Variants in MAP4K2 observed in about 807,000 individuals in gnomAD.
MAP4K2 encodes mitogen-activated protein kinase kinase kinase kinase 2.
MAP4K2 carries 85 observed loss-of-function variants against 125.3 expected under a neutral mutation model. The observed-to-expected ratio is 0.68, with a 90% CI of 0.57 to 0.81. MAP4K2 has a LOEUF of 0.81. Ranked by LOEUF, MAP4K2 falls within the 40% of genes least tolerant of loss-of-function variation. The pLI is 0.00. For missense variants in MAP4K2, 923 were observed against 1,056.4 expected (o/e 0.87, Z 1.75); for synonymous variants, 479 against 445.1 (o/e 1.08, Z -0.96).
intron 24 of MAP4K2, among the ~76,000 whole-genome samples, chr11:64,792,993 G>A (rs1475940913): frequency 6.6e-6 from 1 of 152,212 alleles, no homozygotes; most frequent in Admixed American, 6.5e-5. Context: ...GAGGTAGGCA[G>A]ATCACCCGAG....
At chr11:64,792,319 GC>G in intron 25 of MAP4K2, 44 bp from the exon 26 acceptor site, 1 of 1,578,418 alleles carries the variant, frequency 6.3e-7, no homozygotes, top group Admixed American at 1.8e-5. Flanking sequence ...GGCCTGCGCT[GC>G]CCCCCACCAG....
At position 64,791,979 on chromosome 11, in the gene MAP4K2, G is replaced by A. The variant is rs570817578; in HGVS notation, c.2022C>T (p.Pro674=). ...VCVGAEGPEG[P]GCRVLFHVLP... Reference sequence around the variant, plus strand: ...GGACATGGAACAGGACGCGGCAGCCGGGCCCCTCAGGCCCCTCGGCCCCAA... The same window carrying A: ...GGACATGGAACAGGACGCGGCAGCCAGGCCCCTCAGGCCCCTCGGCCCCAA... Residue 674 remains proline (P), a synonymous_variant, in exon 27 of 32, where the codon CCC becomes CCT. Transcript: ENST00000294066. 4.0e-5 allele frequency: 64 copies of A among 1,603,634 alleles called. No homozygotes were observed. Among genetic ancestry groups the A allele is most frequent in the South Asian group, 5.6e-5 (5 of 89,322 alleles).
rs1001719864 is a variant in MAP4K2 at position 64,785,336 on chromosome 11, T to A, written c.*4201A>T. On this transcript the variant is annotated 3_prime_UTR_variant, in exon 32 of 32. Coordinates refer to ENST00000294066, the MANE Select transcript of MAP4K2 (RefSeq NM_004579.5). Reference sequence around the variant, plus strand: ...GGGTGTACACGTATGTCAAAAGTCATCACGTACACATTTTTATATGCAGCT... The same window carrying A: ...GGGTGTACACGTATGTCAAAAGTCAACACGTACACATTTTTATATGCAGCT... The A allele has an allele frequency of 7.9e-5, 12 of 152,190 alleles. No homozygotes were observed. The highest frequency in any genetic ancestry group is 7.9e-4 in the Admixed American group (12 of 15,280). The allele number at this position is 152,190 out of a possible 1,614,324, so 9.4% of individuals were successfully genotyped here. A position where few individuals can be genotyped will look rare whatever the true frequency, so the allele number is the denominator to read the frequency against.
At position 64,799,686 on chromosome 11, in the gene MAP4K2, A is replaced by C; in HGVS notation, c.916-3T>G. 1 of 1,613,376 alleles carries C rather than the reference A, an allele frequency of 6.2e-7. No individual in the cohort carries two copies. The highest frequency in any genetic ancestry group is 8.5e-7 in the Non-Finnish European group (1 of 1,179,766). The stretch of plus-strand genomic sequence containing the variant: ...GTGTCTGGAAACATGTCATAGGTCT[A>C]AGGAAAAACAGAAACAGTGTGGACA... On this transcript the variant is annotated splice_polypyrimidine_tract_variant and splice_region_variant and intron_variant, in intron 12 of 31. Coordinates refer to ENST00000294066, the MANE Select transcript of MAP4K2 (RefSeq NM_004579.5).
chr11:64,791,979 G>GGGCCCCTCA lies in MAP4K2; in HGVS notation c.2013_2021dup (p.Glu672_Pro674dup). 3 of 1,603,634 alleles carry GGGCCCCTCA rather than the reference G, an allele frequency of 1.9e-6. No individual in the cohort carries two copies. Among genetic ancestry groups the GGGCCCCTCA allele is most frequent in the Non-Finnish European group, 2.6e-6 (3 of 1,175,802 alleles). On this transcript the variant is annotated inframe_insertion, in exon 27 of 32. Coordinates refer to ENST00000294066, the MANE Select transcript of MAP4K2 (RefSeq NM_004579.5). Reference sequence around the variant, plus strand: ...GGACATGGAACAGGACGCGGCAGCCGGGCCCCTCAGGCCCCTCGGCCCCAA... The same window carrying GGGCCCCTCA: ...GGACATGGAACAGGACGCGGCAGCCGGGCCCCTCAGGCCCCTCAGGCCCCTCGGCCCCAA...
At chr11:64,796,785 C>T (rs374797154) in intron 21 of MAP4K2, 24 bp downstream of exon 21, 31 of 1,613,524 alleles carry the variant, frequency 1.9e-5, no homozygotes, top group Non-Finnish European at 2.5e-5. Context: ...CTTGGGCTCC[C>T]GCTTCCTCCC....
intron 12 of MAP4K2, 78 bp from the exon 13 acceptor site, chr11:64,799,761 C>T (rs1272146136): frequency 8.3e-7 from 1 of 1,211,624 alleles, no homozygotes; most frequent in Non-Finnish European, 1.2e-6. Flanking sequence ...TTCACACGCA[C>T]CAGTGCGTTT....
In MAP4K2 at chr11:64,800,980, T is replaced by C. The variant is rs1474728422; in HGVS notation, c.582A>G (p.Leu194=). The change falls in exon 9 of 32, where the codon CTA becomes CTG. Residue 194 remains leucine (L), a synonymous_variant. Coordinates refer to ENST00000294066, the MANE Select transcript of MAP4K2 (RefSeq NM_004579.5). The part of the protein sequence containing the change: ...AVERKGGYNE[L]CDVWALGITA... ...TGATGCCCAGGGCCCAGACGTCACA[T>C]AGCTCATTGTAGCCACCTTTGCGCT... The C allele has an allele frequency of 6.2e-6, 10 of 1,613,848 alleles. No homozygotes were observed. Among genetic ancestry groups the C allele is most frequent in the Non-Finnish European group, 8.5e-6 (10 of 1,179,994 alleles).
rs1005145429 is a variant in MAP4K2 at position 64,803,212 on chromosome 11, C to T, written c.-63G>A. ...GAGCTGCGGAGCCGGCGCGGGGCGG[C>T]GCGGGGCGGGGCGGGCGCCCGTGGC... On this transcript the variant is annotated 5_prime_UTR_variant, in exon 1 of 32. Coordinates refer to ENST00000294066, the MANE Select transcript of MAP4K2 (RefSeq NM_004579.5). The T allele has an allele frequency of 1.4e-5, 10 of 717,244 alleles. No homozygotes were observed. Among genetic ancestry groups the T allele is most frequent in the African/African-American group, 1.2e-4 (6 of 51,146 alleles). The allele number at this position is 717,244 out of a possible 1,614,324, so 44.4% of individuals were successfully genotyped here.
In MAP4K2 at chr11:64,802,442, C is replaced by T; in HGVS notation, c.287G>A (p.Gly96Asp). Residue 96 changes from glycine (G) to aspartate (D), a missense_variant, in exon 4 of 32, where the codon GGC becomes GAC. By Grantham distance (94) the Gly-to-Asp change is moderately conservative. Transcript: ENST00000294066. ...LWICMEFCGG[G>D]SLQEIYHATG... ...ACCATGGTAAATCTCCTGCAGGGAG[C>T]CCCCTCCGCAGAACTCCATGCAGAT... 1.3e-6 allele frequency: 2 copies of T among 1,500,584 alleles called. No homozygotes were observed. The highest frequency in any genetic ancestry group is 8.9e-7 in the Non-Finnish European group (1 of 1,124,744). The allele number at this position is 1,500,584 out of a possible 1,614,324, so 93.0% of individuals were successfully genotyped here.
At chr11:64,790,542 G>C (rs530587915) in intron 27 of MAP4K2, 80 bp from the exon 28 acceptor site, 1 of 1,373,780 alleles carries the variant, frequency 7.3e-7, no homozygotes, top group East Asian at 2.3e-5. Flanking sequence ...CCAGGCTACA[G>C]ACAGCCCTTG....
At chr11:64,802,262 C>A in intron 4 of MAP4K2, 141 bp from the exon 5 acceptor site, 2 of 1,079,176 alleles carry the variant, frequency 1.9e-6, no homozygotes, top group South Asian at 1.4e-5. Context: ...GTCTAGGATA[C>A]TGAACCCAGA....
In MAP4K2 at chr11:64,790,439, G is replaced by C. The variant is rs1353484950; in HGVS notation, c.2116C>G (p.Gln706Glu). The stretch of plus-strand genomic sequence containing the variant: ...GTGTCCCTGTCCACCTGGATCACCT[G>C]CTGGGCCGAGCCTGGGATCCCCTCT... ...PPEGIPGSAQQVIQVDRDTIL... is the reference protein window; with the variant it reads ...PPEGIPGSAQEVIQVDRDTIL... Residue 706 changes from glutamine to glutamate, a missense_variant, in exon 28 of 32, where the codon CAG becomes GAG. Around this residue, in one of 2 missense-constraint regions of MAP4K2, gnomAD observed 833 missense variants for 911.4 expected, o/e 0.91. Coordinates refer to ENST00000294066, the MANE Select transcript of MAP4K2 (RefSeq NM_004579.5). 3 of 1,614,074 alleles carry C rather than the reference G, an allele frequency of 1.9e-6. No individual in the cohort carries two copies. The highest frequency in any genetic ancestry group is 2.5e-6 in the Non-Finnish European group (3 of 1,180,024).
chr11:64,789,483 C>A lies in MAP4K2; in HGVS notation c.*54G>T, dbSNP rs943701945. On this transcript the variant is annotated 3_prime_UTR_variant, in exon 32 of 32. Transcript: ENST00000294066. ...GGATGGGCCCCTTTGCCCAAAAGGG[C>A]CTGCAGCTAAGGCGTGGGGTGGGGC... 11 of 1,508,214 alleles carry A rather than the reference C, an allele frequency of 7.3e-6. No homozygotes were observed. Among genetic ancestry groups the A allele is most frequent in the Non-Finnish European group, 9.9e-6 (11 of 1,108,342 alleles). 93.4% of individuals were successfully genotyped at this position (1,508,214 alleles called of 1,614,324 possible).
At chr11:64,800,734 G>A (rs750190277) in intron 10 of MAP4K2, 30 bp downstream of exon 10, 1 of 1,580,256 alleles carries the variant, frequency 6.3e-7, no homozygotes, top group East Asian at 2.3e-5. Flanking sequence ...GACAGAAAAG[G>A]GGGTCCCGGC....
intron 7 of MAP4K2, among the ~76,000 whole-genome samples, 182 bp from the exon 8 acceptor site, chr11:64,801,365 A>T (rs1306473669): frequency 6.6e-6 from 1 of 152,136 alleles, no homozygotes; most frequent in African/African-American, 2.4e-5. Flanking sequence ...ACCACCCTCT[A>T]TCCCTGACGG....
chr11:64,792,396 G>A lies in MAP4K2; in HGVS notation c.1778C>T (p.Pro593Leu). Residue 593 changes from proline (P) to leucine (L), a missense_variant, in exon 25 of 32, where the codon CCT (proline) becomes CTT (leucine). Pro to Leu is a moderately conservative substitution (Grantham distance 98, BLOSUM62 -3). Coordinates refer to ENST00000294066, the MANE Select transcript of MAP4K2 (RefSeq NM_004579.5). ...ACACTGCAAGCAGCCTTTGGTGTCA[G>A]GAATCTTGGTGGACAGAGCAAAGCG... Reference protein sequence around the residue: ...PRRFALSTKIPDTKGCLQCRV... With the variant: ...PRRFALSTKILDTKGCLQCRV... The A allele has an allele frequency of 6.3e-7, 1 of 1,588,434 alleles. No homozygotes were observed. The highest frequency in any genetic ancestry group is 8.6e-7 in the Non-Finnish European group (1 of 1,169,086).
At position 64,800,249 on chromosome 11, in the gene MAP4K2, G is replaced by GC. The variant is rs779471105; in HGVS notation, c.808-34dup. On this transcript the variant is annotated intron_variant, in intron 11 of 31. Transcript: ENST00000294066. ...GTGGGGGAGGGGGGTGATCAGGTTGGCCCCTGATCCAGGGCCCTGCTTTTG... is the reference window on the plus strand; with the variant it reads ...GTGGGGGAGGGGGGTGATCAGGTTGGCCCCCTGATCCAGGGCCCTGCTTTTG... 5.6e-6 allele frequency: 9 copies of GC among 1,610,530 alleles called. No homozygotes were observed. In the South Asian group the frequency reaches 9.9e-5, roughly 18 times the overall value.
At chr11:64,790,552 G>T in intron 27 of MAP4K2, 90 bp from the exon 28 acceptor site, 1 of 1,209,856 alleles carries the variant, frequency 8.3e-7, no homozygotes, top group Non-Finnish European at 1.2e-6. Flanking sequence ...GACAGCCCTT[G>T]GCCATGAGGG....
Sources: allele counts gnomAD v4.1 joint callset (sites outside exome capture counted in the v4.1 genomes callset), GRCh38; gene constraint gnomAD v4.1.1; regional missense constraint gnomAD v4.1.1; transcripts MANE v1.5; gene names NCBI Gene and HGNC (gene_info 2026-07-23, HGNC 2026-07-21).